The following TBC1D2 variants were observed in gnomAD, a reference collection of about 807,000 sequenced individuals.
The protein encoded by TBC1D2 is TBC1 domain family member 2, also known as TBC1 domain family member 2A.
In TBC1D2, 58 loss-of-function variants were observed where a neutral mutation model predicts 91.1. The observed-to-expected ratio is 0.64, with a 90% confidence interval of 0.52 to 0.79. The LOEUF is 0.79. Ranked by LOEUF, TBC1D2 falls within the 30% of genes least tolerant of loss-of-function variation. The pLI is 0.00. For missense variants in TBC1D2, 1,080 were observed against 1,208.3 expected, an observed-to-expected ratio of 0.89 and a Z score of 1.57; for synonymous variants, 482 against 511.5, an observed-to-expected ratio of 0.94 and a Z score of 0.78.
chr9:98,242,092 T>A (rs866140105), intron 3 of TBC1D2, among the ~76,000 whole-genome samples: 2 of 152,164 alleles, frequency 1.3e-5, no homozygotes, highest in South Asian at 4.1e-4. Context: ...CAAAGTCCCG[T>A]GAGCAATCTA....
intron 5 of TBC1D2, among the ~76,000 whole-genome samples, chr9:98,225,324 G>A (rs1001225634): frequency 6.6e-6 from 1 of 152,194 alleles, no homozygotes; most frequent in African/African-American, 2.4e-5. Context: ...CCTCTTGTGG[G>A]GCCAGTGCTG....
intron 3 of TBC1D2, among the ~76,000 whole-genome samples, chr9:98,241,317 C>T (rs1829630900): frequency 6.6e-6 from 1 of 152,184 alleles, no homozygotes; most frequent in Non-Finnish European, 1.5e-5. Flanking sequence ...GTCTAGAGAA[C>T]TCGAGAGCAT....
intron 2 of TBC1D2, among the ~76,000 whole-genome samples, chr9:98,249,025 T>C (rs1465449904): frequency 2.0e-5 from 3 of 152,136 alleles, no homozygotes; most frequent in Non-Finnish European, 2.9e-5. Context: ...TTCAACGACA[T>C]GGGAGCGGGC....
At chr9:98,209,580 T>C (rs1186007886) in intron 8 of TBC1D2, among the ~76,000 whole-genome samples, 2 of 152,120 alleles carry the variant, frequency 1.3e-5, no homozygotes, top group Non-Finnish European at 2.9e-5. Context: ...GACAGACAGG[T>C]GGGACAGCTG....
chr9:98,211,568 A>G (rs1828840773), intron 7 of TBC1D2, among the ~76,000 whole-genome samples: 1 of 151,928 alleles, frequency 6.6e-6, no homozygotes, highest in Admixed American at 6.6e-5. Flanking sequence ...GTGAAAATCC[A>G]CTCATAGCAC....
intron 3 of TBC1D2, among the ~76,000 whole-genome samples, chr9:98,241,900 C>T (rs73488743): frequency 0.045 from 6,835 of 152,230 alleles, 301 homozygotes; most frequent in African/African-American, 0.11. Flanking sequence ...ATCCAAATGC[C>T]TGTGGGGGAG....
chr9:98,208,121 C>T (rs1828704543), intron 9 of TBC1D2, among the ~76,000 whole-genome samples: 2 of 152,150 alleles, frequency 1.3e-5, no homozygotes, highest in African/African-American at 2.4e-5. Flanking sequence ...GTAAGTTGTA[C>T]GTCCCCAAGC....
chr9:98,229,063 G>C lies in TBC1D2; in HGVS notation c.867C>G (p.Asn289Lys). The C allele has an allele frequency of 6.2e-7, 1 of 1,614,240 alleles. No homozygotes were observed. The highest frequency in any genetic ancestry group is 8.5e-7 in the Non-Finnish European group (1 of 1,180,046). ...TTCCTTCAGAAAAGAATGGGAAGGTGTTGTTCTGGCGCTTGGCTTTCTGAG... is the reference window on the plus strand; with the variant it reads ...TTCCTTCAGAAAAGAATGGGAAGGTCTTGTTCTGGCGCTTGGCTTTCTGAG... ...SFAQKAKRQN[N>K]TFPFFSEGIT... Residue 289 changes from asparagine (N) to lysine (K), a missense_variant, in exon 5 of 13, where the codon AAC (asparagine) becomes AAG (lysine). By Grantham distance (94) the Asn-to-Lys change is moderately conservative. Transcript: ENST00000465784.
At chr9:98,247,728 CAAAAAAA>C (rs58713846) in intron 2 of TBC1D2, among the ~76,000 whole-genome samples, 15 of 70,836 alleles carry the variant, frequency 2.1e-4, no homozygotes, top group African/African-American at 6.9e-4. Context: ...GACTCCGTCT[CAAAAAAA>C]AAAAAAAAAA....
intron 2 of TBC1D2, among the ~76,000 whole-genome samples, chr9:98,248,441 C>T (rs1449680601): frequency 6.6e-6 from 1 of 152,208 alleles, no homozygotes; most frequent in Admixed American, 6.5e-5. Context: ...GAGGGTTGCC[C>T]CACCACCAGT....
chr9:98,220,158 C>T (rs1268132017), intron 6 of TBC1D2, among the ~76,000 whole-genome samples: 1 of 152,192 alleles, frequency 6.6e-6, no homozygotes, highest in Non-Finnish European at 1.5e-5. Context: ...GACCAGACCG[C>T]AGACATGAGC....
chr9:98,224,388 T>G (rs1829181688), intron 5 of TBC1D2, among the ~76,000 whole-genome samples: 1 of 150,560 alleles, frequency 6.6e-6, no homozygotes, highest in African/African-American at 2.4e-5. Flanking sequence ...GCTCAAGAGA[T>G]TCTCTTGCCT....
chr9:98,255,611 G>A lies in TBC1D2; in HGVS notation c.-70C>T, dbSNP rs780422972. ...CACCAGGGACAAATCTCGGAGACTCGGCGGGCAGCTTCCCAAAGGGAGACA... is the reference window on the plus strand; with the variant it reads ...CACCAGGGACAAATCTCGGAGACTCAGCGGGCAGCTTCCCAAAGGGAGACA... On this transcript the variant is annotated 5_prime_UTR_variant, in exon 1 of 13. Coordinates refer to ENST00000465784, the MANE Select transcript of TBC1D2 (RefSeq NM_001267571.2). 3.5e-6 allele frequency: 5 copies of A among 1,413,022 alleles called. No homozygotes were observed. Among genetic ancestry groups the A allele is most frequent in the East Asian group, 5.2e-5 (2 of 38,442 alleles). 87.5% of individuals were successfully genotyped at this position (1,413,022 alleles called of 1,614,324 possible). A position where few individuals can be genotyped will look rare whatever the true frequency, so the allele number is the denominator to read the frequency against.
intron 9 of TBC1D2, among the ~76,000 whole-genome samples, chr9:98,203,939 A>G (rs772045346): frequency 1.4e-4 from 21 of 152,290 alleles, no homozygotes; most frequent in Admixed American, 4.6e-4. Flanking sequence ...CCCGGGGCCA[A>G]GAGGCATCTT....
chr9:98,233,109 G>C (rs1829412178), intron 4 of TBC1D2, among the ~76,000 whole-genome samples: 1 of 152,214 alleles, frequency 6.6e-6, no homozygotes, highest in South Asian at 2.1e-4. Flanking sequence ...GCAGAGACCA[G>C]AGCTCTTTCG....
chr9:98,207,642 C>G (rs926074365), intron 9 of TBC1D2, among the ~76,000 whole-genome samples: 4 of 152,218 alleles, frequency 2.6e-5, no homozygotes, highest in African/African-American at 4.8e-5. Context: ...AGGCTCAAGA[C>G]TCAGGGGCTG....
chr9:98,201,792 C>A, intron 10 of TBC1D2, 128 bp from the exon 11 acceptor site: 1 of 880,750 alleles, frequency 1.1e-6, no homozygotes, highest in Non-Finnish European at 1.7e-6. Context: ...CCTTTCCTGC[C>A]CAGGAGACAC....
chr9:98,221,060 G>C lies in TBC1D2; in HGVS notation c.1147C>G (p.Arg383Gly). The C allele has an allele frequency of 6.2e-7, 1 of 1,610,640 alleles. No homozygotes were observed. The highest frequency in any genetic ancestry group is 2.2e-5 in the East Asian group (1 of 44,782). Reference protein sequence around the residue: ...GRRVEALEQERESLAHTASLR... With the variant: ...GRRVEALEQEGESLAHTASLR... Reference sequence around the variant, plus strand: ...CTCGCTGTGTGCGCCAGGCTCTCCCGCTCCTGCTCCAGGGCCTCCACCCGC... The same window carrying C: ...CTCGCTGTGTGCGCCAGGCTCTCCCCCTCCTGCTCCAGGGCCTCCACCCGC... Residue 383 changes from arginine to glycine, a missense_variant, in exon 6 of 13, where the codon CGG (arginine) becomes GGG (glycine). Arg to Gly is a moderately radical substitution (Grantham distance 125, BLOSUM62 -2). Transcript: ENST00000465784.
At chr9:98,200,454 T>C in intron 11 of TBC1D2, 80 bp from the exon 12 acceptor site, 1 of 1,348,672 alleles carries the variant, frequency 7.4e-7, no homozygotes, top group Non-Finnish European at 1.0e-6. Flanking sequence ...CTGACAGACT[T>C]GGGCAGTATG....
Sources: allele counts gnomAD v4.1 joint callset (sites outside exome capture counted in the v4.1 genomes callset), GRCh38; gene constraint gnomAD v4.1.1; transcripts MANE v1.5; gene names NCBI Gene and HGNC (gene_info 2026-07-23, HGNC 2026-07-21).